MSH4: variants seen among roughly 807,000 people sequenced by gnomAD.
The protein encoded by MSH4 is mutS homolog 4.
MSH4 carries 106 observed loss-of-function variants against 113.7 expected under a neutral mutation model. The observed-to-expected ratio is 0.93, with a 90% CI of 0.80 to 1.10. The LOEUF is 1.10. Ranked by LOEUF, MSH4 falls within the 50% of genes least tolerant of loss-of-function variation. MSH4 has a pLI of 0.00. For synonymous variants in MSH4, 368 were observed against 380.2 expected (o/e 0.97, Z 0.37); for missense variants, 1,061 against 1,093.7 (o/e 0.97, Z 0.42).
chr1:75,867,734 A>G (rs1200330057), intron 9 of MSH4, 146 bp downstream of exon 9: 7 of 591,932 alleles, frequency 1.2e-5, no homozygotes, highest in African/African-American at 7.6e-5. Flanking sequence ...TTACATACAC[A>G]TACACATTGT....
rs756609382 is a variant in MSH4 at position 75,848,325 on chromosome 1, G to A, written c.1230+49G>A. ...ATTATATTATTATACATTATTTGATGGAACTTGTCTTAATGTAATGTAACA... is the reference window on the plus strand; with the variant it reads ...ATTATATTATTATACATTATTTGATAGAACTTGTCTTAATGTAATGTAACA... On this transcript the variant is annotated intron_variant, in intron 8 of 19. Coordinates refer to ENST00000263187, the MANE Select transcript of MSH4 (RefSeq NM_002440.4). 7.2e-6 allele frequency: 9 copies of A among 1,256,820 alleles called. No homozygotes were observed. In the South Asian group the frequency reaches 1.2e-4, roughly 17 times the overall value. 77.9% of individuals were successfully genotyped at this position (1,256,820 alleles called of 1,614,324 possible). A position where few individuals can be genotyped will look rare whatever the true frequency, so the allele number is the denominator to read the frequency against.
At chr1:75,873,735 C>T (rs1407745154) in intron 9 of MSH4, among the ~76,000 whole-genome samples, 1 of 150,302 alleles carries the variant, frequency 6.7e-6, no homozygotes, top group Non-Finnish European at 1.5e-5. Context: ...CTGCAAAAGA[C>T]ATGATCTTGT....
intron 2 of MSH4, among the ~76,000 whole-genome samples, 197 bp downstream of exon 2, chr1:75,804,110 A>T (rs1650003863): frequency 6.6e-6 from 1 of 152,236 alleles, no homozygotes; most frequent in African/African-American, 2.4e-5. Context: ...TTTGTTAATA[A>T]ATGTAAGTCT....
intron 9 of MSH4, among the ~76,000 whole-genome samples, chr1:75,875,344 A>G (rs1212065934): frequency 6.6e-6 from 1 of 152,210 alleles, no homozygotes; most frequent in African/African-American, 2.4e-5. Context: ...GCCTACAGAT[A>G]TGGTAAAAAT....
rs144602691 is a variant in MSH4, at chr1:75,858,515, C to G, written c.1231-8999C>G. Among the ~76,000 whole-genome samples the G allele has an allele frequency of 7.9e-3, 1,205 of 152,242 alleles. 16 individuals are homozygous for G. The highest frequency in any genetic ancestry group is 0.027 in the African/African-American group (1,128 of 41,540). On this transcript the variant is annotated intron_variant, in intron 8 of 19. Coordinates refer to ENST00000263187, the MANE Select transcript of MSH4 (RefSeq NM_002440.4). ...TCTGAAGGCCTTTTCTGCATCTATT[C>G]AGATAATCATGTGGTTTTTGTCGTT...
intron 6 of MSH4, among the ~76,000 whole-genome samples, chr1:75,818,253 G>A (rs556754175): frequency 6.6e-6 from 1 of 152,168 alleles, no homozygotes; most frequent in East Asian, 1.9e-4. Flanking sequence ...ATAGAATCCA[G>A]ACTCTTTGGC....
chr1:75,841,634 T>C (rs1650961389), intron 7 of MSH4, among the ~76,000 whole-genome samples: 1 of 151,952 alleles, frequency 6.6e-6, no homozygotes, highest in Non-Finnish European at 1.5e-5. Flanking sequence ...TGCTAAGGAG[T>C]TTAATTTTTT....
At chr1:75,821,356 A>G (rs1650403854) in intron 6 of MSH4, among the ~76,000 whole-genome samples, 1 of 151,894 alleles carries the variant, frequency 6.6e-6, no homozygotes, top group Non-Finnish European at 1.5e-5. Context: ...TTTGAAACCA[A>G]CGAGAACAAA....
At chr1:75,907,684 C>CTCTCTATAAATATATATATA (rs1307238647) in intron 19 of MSH4, among the ~76,000 whole-genome samples, 3 of 46,570 alleles carry the variant, frequency 6.4e-5, no homozygotes, top group African/African-American at 2.0e-4. Context: ...CTCTCTCTCT[C>CTCTCTATAAATATATATATA]TATACATATA....
At chr1:75,841,655 A>T (rs56350137) in intron 7 of MSH4, among the ~76,000 whole-genome samples, 31,464 of 152,034 alleles carry the variant, frequency 0.21, 3,810 homozygotes, top group African/African-American at 0.3. Context: ...TCCTTCAGGC[A>T]ATATGGAGCT....
chr1:75,856,238 C>T (rs965629357), intron 8 of MSH4, among the ~76,000 whole-genome samples: 2 of 151,928 alleles, frequency 1.3e-5, no homozygotes, highest in Non-Finnish European at 2.9e-5. Flanking sequence ...ATAATTAGCG[C>T]CATAAGGTTT....
At chr1:75,904,988 T>C (rs1309746530) in intron 19 of MSH4, among the ~76,000 whole-genome samples, 1 of 152,026 alleles carries the variant, frequency 6.6e-6, no homozygotes. Flanking sequence ...CTCTTTTTAG[T>C]TGGTCTAGTA....
chr1:75,874,337 G>GT (rs1211968182), intron 9 of MSH4, among the ~76,000 whole-genome samples: 3 of 152,148 alleles, frequency 2.0e-5, no homozygotes, highest in African/African-American at 4.8e-5. Flanking sequence ...AGATGTGGAA[G>GT]TTTTTTTAGA....
chr1:75,900,107 C>T (rs2100589992), intron 19 of MSH4, among the ~76,000 whole-genome samples: 1 of 152,018 alleles, frequency 6.6e-6, no homozygotes, highest in Non-Finnish European at 1.5e-5. Context: ...AGCCTCATAA[C>T]TCTTCATGAA....
chr1:75,828,976 C>G (rs775899372), intron 7 of MSH4, among the ~76,000 whole-genome samples: 2 of 152,022 alleles, frequency 1.3e-5, no homozygotes, highest in African/African-American at 4.8e-5. Context: ...GCCCATGGAG[C>G]AGGGCAGGAC....
At chr1:75,817,978 C>T (rs533778078) in intron 6 of MSH4, among the ~76,000 whole-genome samples, 12 of 152,234 alleles carry the variant, frequency 7.9e-5, no homozygotes, top group Non-Finnish European at 1.3e-4. Context: ...TCAGAAAATC[C>T]TCTTGATCTA....
At chr1:75,803,123 G>A (rs1649976159) in intron 1 of MSH4, among the ~76,000 whole-genome samples, 1 of 152,010 alleles carries the variant, frequency 6.6e-6, no homozygotes, top group Non-Finnish European at 1.5e-5. Context: ...GTTTCAGAGG[G>A]GACAGATATT....
chr1:75,803,974 TA>T, intron 2 of MSH4, 61 bp downstream of exon 2: 4 of 1,188,818 alleles, frequency 3.4e-6, no homozygotes, highest in Non-Finnish European at 3.4e-6. Context: ...TTATAAATTA[TA>T]AATTAGGGTT....
At chr1:75,885,765 A>ATATATAATGTATTATATAGTATATATAC (rs1652077623) in intron 15 of MSH4, among the ~76,000 whole-genome samples, 3 of 114,156 alleles carry the variant, frequency 2.6e-5, no homozygotes, top group African/African-American at 7.0e-5. Flanking sequence ...TATATATAGT[A>ATATATAATGTATTATATAGTATATATAC]TATATAATGT....
Sources: allele counts gnomAD v4.1 joint callset (sites outside exome capture counted in the v4.1 genomes callset), GRCh38; gene constraint gnomAD v4.1.1; transcripts MANE v1.5; gene names NCBI Gene and HGNC (gene_info 2026-07-23, HGNC 2026-07-21).